Variants in TENM4 observed in about 807,000 individuals in gnomAD.
The protein encoded by TENM4 is teneurin-4.
Under a neutral mutation model 243.3 loss-of-function variants are expected in TENM4, and 82 were observed. The ratio of observed to expected loss-of-function variants is 0.34; its 90% CI spans 0.28 to 0.40. The LOEUF is 0.40. TENM4 is among the 10% of genes least tolerant of loss of function. TENM4 has a pLI of 1.00. For synonymous variants in TENM4, 1,412 were observed against 1,456.3 expected, an observed-to-expected ratio of 0.97 and a Z score of 0.69; for missense variants, 3,138 against 3,673.3, an observed-to-expected ratio of 0.85 and a Z score of 3.77.
At chr11:78,822,761 G>C (rs1005090188) in intron 12 of TENM4, among the ~76,000 whole-genome samples, 1 of 151,998 alleles carries the variant, frequency 6.6e-6, no homozygotes, top group Non-Finnish European at 1.5e-5. Context: ...AAAAACAATA[G>C]ACAAGAAATA....
At chr11:79,025,709 C>A (rs941459616) in intron 6 of TENM4, among the ~76,000 whole-genome samples, 1 of 152,186 alleles carries the variant, frequency 6.6e-6, no homozygotes, top group African/African-American at 2.4e-5. Flanking sequence ...TTGCTCTTTA[C>A]GGCTAATCTG....
At chr11:78,774,238 T>C (rs1464837475) in intron 17 of TENM4, among the ~76,000 whole-genome samples, 2 of 152,226 alleles carry the variant, frequency 1.3e-5, no homozygotes, top group Non-Finnish European at 2.9e-5. Context: ...TTGGATTTAC[T>C]TGTTTTAAGT....
chr11:78,669,485 C>A lies in TENM4; in HGVS notation c.6860G>T (p.Trp2287Leu). Residue 2287 changes from tryptophan to leucine, a missense_variant, in exon 32 of 34, where the codon TGG becomes TTG. Trp to Leu is a moderately conservative substitution (Grantham distance 61). Transcript: ENST00000278550. The surrounding 1 kb of genome is among the most constrained non-coding windows in gnomAD (Gnocchi z 6.4). Reference protein sequence around the residue: ...LIKAYNRAGSWSVRYRYDGLG... With the variant: ...LIKAYNRAGSLSVRYRYDGLG... ...GCCATCGTAGCGGTACCTGACACTC[C>A]AGCTGCCAGCCCGGTTGTAGGCCTT... The A allele has an allele frequency of 6.2e-7, 1 of 1,613,860 alleles. No homozygotes were observed. Among genetic ancestry groups the A allele is most frequent in the Non-Finnish European group, 8.5e-7 (1 of 1,179,836 alleles).
rs936677848 is a variant in TENM4, at chr11:79,148,747, C to T, written c.-103G>A. 2.0e-6 allele frequency: 2 copies of T among 982,004 alleles called. No individual in the cohort carries two copies. The highest frequency in any genetic ancestry group is 6.2e-5 in the Admixed American group (1 of 16,236). 60.8% of individuals were successfully genotyped at this position (982,004 alleles called of 1,614,324 possible). Reference sequence around the variant, plus strand: ...CTTCTTAAAAGGGTCTAAGAATAGTCCTTCAAATAATCCTTGAAGTATGCA... The same window carrying T: ...CTTCTTAAAAGGGTCTAAGAATAGTTCTTCAAATAATCCTTGAAGTATGCA... On this transcript the variant is annotated 5_prime_UTR_variant, in exon 4 of 34. Transcript: ENST00000278550.
At chr11:78,904,359 C>CAAATAAAAAAAAA (rs1856014244) in intron 6 of TENM4, among the ~76,000 whole-genome samples, 1 of 77,268 alleles carries the variant, frequency 1.3e-5, no homozygotes, top group Non-Finnish European at 2.3e-5. Flanking sequence ...GACTCTGTCT[C>CAAATAAAAAAAAA]AAAAAAAAAA....
intron 6 of TENM4, among the ~76,000 whole-genome samples, chr11:79,052,506 T>C (rs1565183445): frequency 6.6e-6 from 1 of 152,210 alleles, no homozygotes; most frequent in African/African-American, 2.4e-5. Flanking sequence ...GGTAATGAAA[T>C]GAAGTAATGC....
chr11:79,250,061 C>T (rs1429530938), intron 2 of TENM4, among the ~76,000 whole-genome samples: 4 of 152,194 alleles, frequency 2.6e-5, no homozygotes, highest in African/African-American at 9.7e-5. Context: ...TCTCAGCTCA[C>T]TTCAACCTCT....
At chr11:79,050,984 CG>C (rs1164117417) in intron 6 of TENM4, among the ~76,000 whole-genome samples, 1 of 152,186 alleles carries the variant, frequency 6.6e-6, no homozygotes, top group African/African-American at 2.4e-5. Context: ...GCTGTGCATG[CG>C]TGTGGAGTCA....
intron 1 of TENM4, among the ~76,000 whole-genome samples, chr11:79,349,540 C>T (rs894662215): frequency 1.3e-5 from 2 of 152,198 alleles, no homozygotes; most frequent in Non-Finnish European, 2.9e-5. Context: ...CTATGTAGCA[C>T]ACACCATTCC....
intron 6 of TENM4, among the ~76,000 whole-genome samples, chr11:78,961,188 A>T (rs1857312759): frequency 6.6e-6 from 1 of 152,214 alleles, no homozygotes; most frequent in South Asian, 2.1e-4. Context: ...ATGTTTGCCA[A>T]ATCAACACAA....
intron 29 of TENM4, among the ~76,000 whole-genome samples, chr11:78,687,295 G>A (rs1409232566): frequency 2.6e-5 from 4 of 152,084 alleles, no homozygotes; most frequent in Non-Finnish European, 5.9e-5. Flanking sequence ...TGATGTGGTG[G>A]CAGAGTCAGA....
intron 12 of TENM4, among the ~76,000 whole-genome samples, chr11:78,850,061 CTG>C (rs142162971): frequency 2.7e-4 from 41 of 149,520 alleles, no homozygotes; most frequent in Non-Finnish European, 3.7e-4. Context: ...TTTCAGTGCT[CTG>C]TGTGTGTGTG....
At position 79,342,300 on chromosome 11, in the gene TENM4, G is replaced by A. The variant is rs115278003; in HGVS notation, c.-320-44757C>T. 3.1e-3 allele frequency among the ~76,000 whole-genome samples: 474 copies of A among 152,322 alleles called. 2 individuals are homozygous for A. Among genetic ancestry groups the A allele is most frequent in the African/African-American group, 0.011 (444 of 41,576 alleles). ...AGGTAGGTGTGACTGCATGGACCGC[G>A]ATGAGATGAGGAGAGGGCTTCGCAA... On this transcript the variant is annotated intron_variant, in intron 1 of 33. Coordinates refer to ENST00000278550, the MANE Select transcript of TENM4 (RefSeq NM_001098816.3).
At chr11:79,147,741 C>A (rs1012714748) in intron 4 of TENM4, among the ~76,000 whole-genome samples, 7 of 151,994 alleles carry the variant, frequency 4.6e-5, no homozygotes, top group Non-Finnish European at 8.8e-5. Flanking sequence ...CTCACGCAAC[C>A]CTTTGCAACA....
chr11:79,393,994 G>A (rs755278492), intron 1 of TENM4, among the ~76,000 whole-genome samples: 2 of 152,138 alleles, frequency 1.3e-5, no homozygotes, highest in Non-Finnish European at 2.9e-5. Flanking sequence ...AGCCTTGGCA[G>A]GGGCCTCAGG....
At position 79,249,909 on chromosome 11, in the gene TENM4, G is replaced by A. The variant is rs191533648; in HGVS notation, c.-264-34000C>T. On this transcript the variant is annotated intron_variant, in intron 2 of 33. Coordinates refer to ENST00000278550, the MANE Select transcript of TENM4 (RefSeq NM_001098816.3). The stretch of plus-strand genomic sequence containing the variant: ...GGCAATTTCTATGAGCAGTAGTGGC[G>A]GCATTACTCATTTATTACGTAAACT... 3.9e-3 allele frequency among the ~76,000 whole-genome samples: 592 copies of A among 152,314 alleles called. 1 individual carries two copies. Among genetic ancestry groups the A allele is most frequent in the African/African-American group, 0.013 (555 of 41,582 alleles).
chr11:79,087,000 T>A (rs1860825744), intron 4 of TENM4, among the ~76,000 whole-genome samples: 1 of 152,190 alleles, frequency 6.6e-6, no homozygotes, highest in Non-Finnish European at 1.5e-5. Context: ...ATTTAAGTAG[T>A]TGCTTAATTA....
chr11:79,010,830 G>A (rs560755855), intron 6 of TENM4, among the ~76,000 whole-genome samples: 2 of 152,178 alleles, frequency 1.3e-5, no homozygotes, highest in Non-Finnish European at 2.9e-5. Context: ...ACCAAGGGAA[G>A]GCCAGAGCAA....
intron 6 of TENM4, among the ~76,000 whole-genome samples, chr11:79,053,432 C>G (rs1054881949): frequency 1.3e-5 from 2 of 152,210 alleles, no homozygotes; most frequent in African/African-American, 2.4e-5. Flanking sequence ...CCCTGTGGTT[C>G]CTATCACCTT....
Sources: gnomAD v4.1 joint callset for allele counts (sites outside exome capture counted in the v4.1 genomes callset) on GRCh38, gnomAD v4.1.1 for gene constraint, Gnocchi (gnomAD v3.1) non-coding constraint, MANE v1.5 for transcripts, NCBI Gene and HGNC (gene_info 2026-07-23, HGNC 2026-07-21) for gene names.